Variants in STARD13 observed in about 807,000 individuals in gnomAD.
STARD13 encodes the protein stAR-related lipid transfer protein 13.
Under a neutral mutation model 106.4 loss-of-function variants are expected in STARD13, and 62 were observed. The observed-to-expected ratio is 0.58, with a 90% CI of 0.48 to 0.72. The LOEUF (loss-of-function observed/expected upper bound fraction) is 0.72. Among genes scored for constraint, STARD13 ranks in the 30% least tolerant of loss-of-function variants. The probability of loss-of-function intolerance (pLI) is 0.00; values close to 1 mark genes in which losing one functional copy is unlikely to be tolerated. For synonymous variants in STARD13, 565 were observed against 553.0 expected (o/e 1.02, Z -0.31); for missense variants, 1,387 against 1,424.0 (o/e 0.97, Z 0.42).
the STARD13 span, among the ~76,000 whole-genome samples, chr13:33,490,275 A>T: frequency 6.6e-6 from 1 of 152,208 alleles, no homozygotes; most frequent in African/African-American, 2.4e-5. Flanking sequence ...ACAGGGAAAT[A>T]CTGGGTAGAA....
At chr13:33,234,273 C>G (rs1293940458) in intron 1 of STARD13, among the ~76,000 whole-genome samples, 3 of 152,166 alleles carry the variant, frequency 2.0e-5, no homozygotes, top group Non-Finnish European at 4.4e-5. Flanking sequence ...TTTTCTGCCC[C>G]TTTGTCCTCA....
the STARD13 span, among the ~76,000 whole-genome samples, chr13:33,562,332 T>A: frequency 4.1e-5 from 6 of 146,698 alleles, 1 homozygote; most frequent in African/African-American, 1.5e-4. Flanking sequence ...GCTGCCTACA[T>A]CTTTTTACCT....
chr13:33,173,670 AG>A, intron 1 of STARD13, among the ~76,000 whole-genome samples: 1 of 152,358 alleles, frequency 6.6e-6, no homozygotes, highest in Middle Eastern at 3.4e-3. Flanking sequence ...AGTTACTAAG[AG>A]GAACTAAAAT....
chr13:33,356,522 C>T, the STARD13 span, among the ~76,000 whole-genome samples: 5 of 152,262 alleles, frequency 3.3e-5, no homozygotes, highest in Middle Eastern at 3.4e-3. Flanking sequence ...ACCATGGCTC[C>T]GCACCTACTA....
chr13:33,542,911 G>A, the STARD13 span, among the ~76,000 whole-genome samples: 1 of 152,188 alleles, frequency 6.6e-6, no homozygotes, highest in Non-Finnish European at 1.5e-5. Flanking sequence ...CGTGGCCCCT[G>A]CTTTCCTTTC....
intron 3 of STARD13, among the ~76,000 whole-genome samples, chr13:33,145,795 CA>C (rs1042694466): frequency 3.3e-5 from 5 of 152,084 alleles, no homozygotes; most frequent in African/African-American, 1.2e-4. Flanking sequence ...TTCCACTCAT[CA>C]AAAAAATTTC....
the STARD13 span, among the ~76,000 whole-genome samples, chr13:33,422,659 A>G: frequency 4.6e-5 from 7 of 152,214 alleles, no homozygotes; most frequent in African/African-American, 1.7e-4. Flanking sequence ...CCAAAAGAAC[A>G]AAGCTGGAGG....
chr13:33,561,896 GT>G, the STARD13 span, among the ~76,000 whole-genome samples: 1 of 146,678 alleles, frequency 6.8e-6, no homozygotes, highest in Admixed American at 7.0e-5. Context: ...GTAGCCGAAA[GT>G]AAAAAGTAAC....
the STARD13 span, among the ~76,000 whole-genome samples, chr13:33,458,416 A>G: frequency 1.3e-5 from 2 of 152,046 alleles, no homozygotes; most frequent in African/African-American, 4.8e-5. Flanking sequence ...TGTAGTTTAT[A>G]AAAGCATAAC....
chr13:33,134,254 A>G (rs1038497416), intron 4 of STARD13, among the ~76,000 whole-genome samples: 3 of 152,204 alleles, frequency 2.0e-5, no homozygotes, highest in Non-Finnish European at 2.9e-5. Flanking sequence ...CATAAAACAC[A>G]CTAACACTAA....
At chr13:33,628,982 G>A in the STARD13 span, among the ~76,000 whole-genome samples, 132 of 152,326 alleles carry the variant, frequency 8.7e-4, no homozygotes, top group African/African-American at 3.0e-3. Context: ...ATGTGATTAC[G>A]ATTACTGTGG....
chr13:33,440,251 C>T, the STARD13 span, among the ~76,000 whole-genome samples: 1 of 151,160 alleles, frequency 6.6e-6, no homozygotes, highest in African/African-American at 2.4e-5. Context: ...TGCACTCCAG[C>T]CTGGGCGACA....
chr13:33,163,645 T>TATATATAAAAAACATATATATATAAC (rs1566038617), intron 3 of STARD13, among the ~76,000 whole-genome samples: 2 of 63,972 alleles, frequency 3.1e-5, no homozygotes, highest in Non-Finnish European at 9.6e-5. Context: ...ATATAACATA[T>TATATATAAAAAACATATATATATAAC]ATATATATAA....
intron 1 of STARD13, among the ~76,000 whole-genome samples, chr13:33,295,141 G>T (rs189613404): frequency 6.6e-6 from 1 of 152,146 alleles, no homozygotes; most frequent in Non-Finnish European, 1.5e-5. Flanking sequence ...ATCCAGCCCA[G>T]TATACCAAAA....
the STARD13 span, among the ~76,000 whole-genome samples, chr13:33,400,436 A>G: frequency 6.6e-6 from 1 of 151,252 alleles, no homozygotes; most frequent in Non-Finnish European, 1.5e-5. Flanking sequence ...TGCAATGAAC[A>G]TGGGGGTGCA....
the STARD13 span, among the ~76,000 whole-genome samples, chr13:33,520,545 C>T: frequency 2.6e-5 from 4 of 152,036 alleles, no homozygotes; most frequent in Non-Finnish European, 5.9e-5. Flanking sequence ...CAATAGCGGC[C>T]AGTCTAACTT....
the STARD13 span, among the ~76,000 whole-genome samples, chr13:33,464,037 A>ATATATATATGTATATGTATATG: frequency 7.8e-5 from 11 of 141,026 alleles, no homozygotes; most frequent in African/African-American, 2.8e-4. Flanking sequence ...ATATATATAT[A>ATATATATATGTATATGTATATG]TATATGTATA....
the STARD13 span, among the ~76,000 whole-genome samples, chr13:33,396,145 G>C: frequency 6.6e-6 from 1 of 152,182 alleles, no homozygotes; most frequent in South Asian, 2.1e-4. Flanking sequence ...GTGCCACCAT[G>C]TCAGCTAATT....
At chr13:33,411,687 C>T in the STARD13 span, among the ~76,000 whole-genome samples, 2 of 152,298 alleles carry the variant, frequency 1.3e-5, no homozygotes, top group Non-Finnish European at 2.9e-5. Context: ...CCATAGTTTT[C>T]CCTTTTCCAG....
Sources: allele counts gnomAD v4.1 joint callset (sites outside exome capture counted in the v4.1 genomes callset), GRCh38; gene constraint gnomAD v4.1.1; transcripts MANE v1.5; gene names NCBI Gene and HGNC (gene_info 2026-07-23, HGNC 2026-07-21).